The following NEMP2 variants were observed in gnomAD, a reference collection of about 807,000 sequenced individuals.
NEMP2 encodes nuclear envelope integral membrane protein 2, also known as UPF0571 transmembrane protein.
NEMP2 carries 53 observed loss-of-function variants against 54.2 expected under a neutral mutation model. The ratio of observed to expected loss-of-function variants is 0.98; its 90% CI spans 0.78 to 1.23. NEMP2 has a LOEUF of 1.23. Among genes scored for constraint, NEMP2 ranks in the 50% most tolerant of loss-of-function variants. The probability of loss-of-function intolerance (pLI) is 0.00; values close to 1 mark genes in which losing one functional copy is unlikely to be tolerated. For synonymous variants in NEMP2, 197 were observed against 190.3 expected (o/e 1.04, Z -0.29); for missense variants, 455 against 511.3 (o/e 0.89, Z 1.06).
At chr2:190,499,725 G>C (rs1574275861), downstream of NEMP2, 1 of 1,201,586 alleles carries the variant, frequency 8.3e-7, no homozygotes, top group East Asian at 4.4e-5. This position sits in a 1 kb window ranked among gnomAD's most constrained non-coding sequence, Gnocchi z 6.0. Flanking sequence ...AATATTTGCT[G>C]ATGTAAACTG....
chr2:190,630,097 A>T, the NEMP2 span, among the ~76,000 whole-genome samples: 1 of 152,246 alleles, frequency 6.6e-6, no homozygotes, highest in Non-Finnish European at 1.5e-5. This position sits in a 1 kb window ranked among gnomAD's most constrained non-coding sequence, Gnocchi z 5.5. Flanking sequence ...GCCAAAGAAC[A>T]GTAACATTTG....
the NEMP2 span, among the ~76,000 whole-genome samples, chr2:190,447,606 C>T: frequency 2.0e-5 from 3 of 152,196 alleles, no homozygotes; most frequent in Non-Finnish European, 4.4e-5. The surrounding 1 kb of genome is among the most constrained non-coding windows in gnomAD (Gnocchi z 4.5). Context: ...TTATAAGCTA[C>T]TATCTTCATA....
chr2:190,520,351 A>AG lies in NEMP2; in HGVS notation c.214-1169dup, dbSNP rs1246840743. 6.6e-6 allele frequency among the ~76,000 whole-genome samples: 1 copy of AG among 152,216 alleles called. No individual in the cohort carries two copies. The highest frequency in any genetic ancestry group is 1.5e-5 in the Non-Finnish European group (1 of 68,020). On this transcript the variant is annotated intron_variant, in intron 2 of 8. Transcript: ENST00000409150. The surrounding 1 kb of genome is among the most constrained non-coding windows in gnomAD (Gnocchi z 5.4). Reference sequence around the variant, plus strand: ...TATTCACATCACAGAACAAAGCACTAGCTACAAGCCGATGGTGACAACCCA... The same window carrying AG: ...TATTCACATCACAGAACAAAGCACTAGGCTACAAGCCGATGGTGACAACCCA...
chr2:190,497,843 A>G, the NEMP2 span: 40 of 1,158,542 alleles, frequency 3.5e-5, no homozygotes, highest in African/African-American at 4.6e-5. The surrounding 1 kb of genome is among the most constrained non-coding windows in gnomAD (Gnocchi z 5.2). Context: ...GGAAATAGAC[A>G]TGCAAACAAT....
rs113116959 is a variant in NEMP2 at position 190,520,183 on chromosome 2, T to C, written c.214-1000A>G. Among the ~76,000 whole-genome samples, 148 of 152,314 alleles carry C rather than the reference T, an allele frequency of 9.7e-4. No individual in the cohort carries two copies. The highest frequency in any genetic ancestry group is 3.3e-3 in the African/African-American group (138 of 41,562). On this transcript the variant is annotated intron_variant, in intron 2 of 8. Coordinates refer to ENST00000409150, the MANE Select transcript of NEMP2 (RefSeq NM_001142645.2). This position sits in a 1 kb window ranked among gnomAD's most constrained non-coding sequence, Gnocchi z 5.4. The stretch of plus-strand genomic sequence containing the variant: ...CAGTGGCAAACTATATGAGTAGGCA[T>C]AGTTTGAAAATAGGGTTTATATTTA...
the NEMP2 span, among the ~76,000 whole-genome samples, chr2:190,634,442 T>C: frequency 6.6e-6 from 1 of 152,042 alleles, no homozygotes; most frequent in Non-Finnish European, 1.5e-5. This position sits in a 1 kb window ranked among gnomAD's most constrained non-coding sequence, Gnocchi z 6.8. Flanking sequence ...AACAAACACA[T>C]AGGGAGAAAA....
the NEMP2 span, among the ~76,000 whole-genome samples, chr2:190,557,144 C>T: frequency 6.6e-6 from 1 of 152,128 alleles, no homozygotes; most frequent in Non-Finnish European, 1.5e-5. Context: ...ACCAATGGAA[C>T]AGAACAGAGG....
At chr2:190,462,563 C>T in the NEMP2 span, among the ~76,000 whole-genome samples, 1 of 152,148 alleles carries the variant, frequency 6.6e-6, no homozygotes, top group Non-Finnish European at 1.5e-5. The surrounding 1 kb of genome is among the most constrained non-coding windows in gnomAD (Gnocchi z 5.7). Flanking sequence ...AAGACATGGC[C>T]GTTGTCTCCC....
chr2:190,613,707 C>G, the NEMP2 span, among the ~76,000 whole-genome samples: 10 of 152,088 alleles, frequency 6.6e-5, no homozygotes, highest in Non-Finnish European at 1.3e-4. Context: ...TCCTACTCAG[C>G]CTCCCAAGTA....
chr2:190,461,566 A>G, the NEMP2 span, among the ~76,000 whole-genome samples: 1 of 152,216 alleles, frequency 6.6e-6, no homozygotes, highest in Non-Finnish European at 1.5e-5. The surrounding 1 kb of genome is among the most constrained non-coding windows in gnomAD (Gnocchi z 5.5). Context: ...TGCAAGATCA[A>G]AGTGTTGGCA....
chr2:190,634,656 T>G, the NEMP2 span, among the ~76,000 whole-genome samples: 1 of 152,192 alleles, frequency 6.6e-6, no homozygotes, highest in Non-Finnish European at 1.5e-5. The surrounding 1 kb of genome is among the most constrained non-coding windows in gnomAD (Gnocchi z 6.8). Context: ...GCATTCCCTA[T>G]TCAAAAGGTT....
chr2:190,510,039 T>TAAAAC lies in NEMP2; in HGVS notation c.1130+317_1130+321dup, dbSNP rs1258796119. On this transcript the variant is annotated intron_variant, in intron 8 of 8. Coordinates refer to ENST00000409150, the MANE Select transcript of NEMP2 (RefSeq NM_001142645.2). This position sits in a 1 kb window ranked among gnomAD's most constrained non-coding sequence, Gnocchi z 5.7. ...CTGGGTGACAGAGCAAGACTCCATCTAAAACAAAACAAAACAAAAAAGATT... is the reference window on the plus strand; with the variant it reads ...CTGGGTGACAGAGCAAGACTCCATCTAAAACAAAACAAAACAAAACAAAAAAGATT... Among the ~76,000 whole-genome samples the TAAAAC allele has an allele frequency of 1.3e-5, 2 of 152,194 alleles. No individual in the cohort carries two copies. The highest frequency in any genetic ancestry group is 6.5e-5 in the Admixed American group (1 of 15,288).
the NEMP2 span, among the ~76,000 whole-genome samples, chr2:190,421,594 AT>A: frequency 1.3e-5 from 2 of 151,972 alleles, 1 homozygote; most frequent in African/African-American, 4.8e-5. Context: ...TCACCTATTT[AT>A]TTATTTGAGA....
At chr2:190,470,700 T>C in the NEMP2 span, among the ~76,000 whole-genome samples, 2,878 of 152,288 alleles carry the variant, frequency 0.019, 39 homozygotes, top group Non-Finnish European at 0.029. Flanking sequence ...AGGAGACAAA[T>C]GCGGTGTAAT....
At chr2:190,548,316 A>G in the NEMP2 span, among the ~76,000 whole-genome samples, 3 of 152,208 alleles carry the variant, frequency 2.0e-5, no homozygotes, top group East Asian at 1.9e-4. Flanking sequence ...TTCAGCAATA[A>G]TTAAAGCAAG....
chr2:190,578,138 A>T, the NEMP2 span, among the ~76,000 whole-genome samples: 2 of 152,196 alleles, frequency 1.3e-5, no homozygotes, highest in South Asian at 4.1e-4. This position sits in a 1 kb window ranked among gnomAD's most constrained non-coding sequence, Gnocchi z 4.4. Context: ...CATAATGGAC[A>T]GGATGTGAGG....
chr2:190,538,669 A>T (rs1327196079), upstream of NEMP2, among the ~76,000 whole-genome samples: 2 of 151,762 alleles, frequency 1.3e-5, no homozygotes, highest in Non-Finnish European at 2.9e-5. This position sits in a 1 kb window ranked among gnomAD's most constrained non-coding sequence, Gnocchi z 4.1. Flanking sequence ...CTGAAGTGAG[A>T]TACCTCATTG....
the NEMP2 span, among the ~76,000 whole-genome samples, chr2:190,601,386 C>G: frequency 6.6e-6 from 1 of 152,090 alleles, no homozygotes; most frequent in Admixed American, 6.5e-5. This position sits in a 1 kb window ranked among gnomAD's most constrained non-coding sequence, Gnocchi z 5.8. Context: ...TTAAGCCGCT[C>G]GCTTTGTGGT....
rs140786051 is a variant in NEMP2, at chr2:190,531,804, G to A, written c.97+2755C>T. Among the ~76,000 whole-genome samples, 140 of 151,318 alleles carry A rather than the reference G, an allele frequency of 9.3e-4. No homozygotes were observed. The highest frequency in any genetic ancestry group is 2.5e-3 in the South Asian group (12 of 4,790). On this transcript the variant is annotated intron_variant, in intron 1 of 8. Transcript: ENST00000409150. This position sits in a 1 kb window ranked among gnomAD's most constrained non-coding sequence, Gnocchi z 4.7. ...AGTTAAAGAGTTGAGTCATATATAC[G>A]GAAAAAAAAACCTCAGTCAAAACAT...
Sources: allele counts gnomAD v4.1 joint callset (sites outside exome capture counted in the v4.1 genomes callset), GRCh38; gene constraint gnomAD v4.1.1; non-coding constraint Gnocchi (gnomAD v3.1); transcripts MANE v1.5; gene names NCBI Gene and HGNC (gene_info 2026-07-23, HGNC 2026-07-21).